OLFML1: variants seen among roughly 807,000 people sequenced by gnomAD.
The protein encoded by OLFML1 is olfactomedin-like protein 1.
A neutral mutation model predicts 37.3 loss-of-function variants in OLFML1; 33 were observed. That is an observed-to-expected ratio of 0.88 (90% CI 0.67 to 1.18). The LOEUF is 1.18. OLFML1 is among the 50% of genes most tolerant of loss of function. The pLI, the probability that OLFML1 is intolerant of heterozygous loss-of-function variation, is 0.00. For missense variants in OLFML1, 545 were observed against 483.7 expected (o/e 1.13, Z -1.19); for synonymous variants, 186 against 181.3 (o/e 1.03, Z -0.21).
intron 1 of OLFML1, 102 bp downstream of exon 1, chr11:7,486,106 G>A: frequency 3.4e-6 from 4 of 1,164,034 alleles, no homozygotes; most frequent in Non-Finnish European, 4.9e-6. Context: ...TTCCCAGATA[G>A]CAAATGACAC....
chr11:7,509,849 C>T lies in OLFML1; in HGVS notation c.870C>T (p.Ser290=), dbSNP rs1432765136. The T allele has an allele frequency of 6.2e-7, 1 of 1,614,088 alleles. No homozygotes were observed. The highest frequency in any genetic ancestry group is 1.3e-5 in the African/African-American group (1 of 74,932). ...WAIHSGPGTH[S]HLVLTKIEPG... Reference sequence around the variant, plus strand: ...TCCACTCTGGGCCAGGCACCCATAGCCATTTGGTTCTCACAAAGATTGAGC... The same window carrying T: ...TCCACTCTGGGCCAGGCACCCATAGTCATTTGGTTCTCACAAAGATTGAGC... Residue 290 remains serine, a synonymous_variant, in exon 3 of 3, where the codon AGC becomes AGT. Transcript: ENST00000329293.
chr11:7,501,330 G>T (rs973746739), intron 2 of OLFML1, among the ~76,000 whole-genome samples: 1 of 152,198 alleles, frequency 6.6e-6, no homozygotes, highest in South Asian at 2.1e-4. Flanking sequence ...AATGCATAAG[G>T]TTCCCTGTTG....
chr11:7,485,791 G>A lies in OLFML1; in HGVS notation c.-85G>A. 7.2e-7 allele frequency: 1 copy of A among 1,392,812 alleles called. No individual in the cohort carries two copies. The highest frequency in any genetic ancestry group is 1.0e-6 in the Non-Finnish European group (1 of 999,692). 86.3% of individuals were successfully genotyped at this position (1,392,812 alleles called of 1,614,324 possible). A position where few individuals can be genotyped will look rare whatever the true frequency, so the allele number is the denominator to read the frequency against. ...AGAGGATTTGCCACAGCAGCGGATA[G>A]AGCAGGAGAGCACCACCGGAGCCCT... On this transcript the variant is annotated 5_prime_UTR_variant, in exon 1 of 3. Transcript: ENST00000329293.
intron 1 of OLFML1, among the ~76,000 whole-genome samples, chr11:7,487,455 C>A (rs926979390): frequency 2.0e-5 from 3 of 152,198 alleles, no homozygotes; most frequent in African/African-American, 7.2e-5. Flanking sequence ...TTTTGATAAA[C>A]CATGCCAAAT....
At chr11:7,506,494 C>G (rs1020965475) in intron 2 of OLFML1, among the ~76,000 whole-genome samples, 7 of 152,116 alleles carry the variant, frequency 4.6e-5, no homozygotes, top group Non-Finnish European at 1.0e-4. Flanking sequence ...GGTGAAGGGA[C>G]TGGCCAGGGC....
intron 2 of OLFML1, among the ~76,000 whole-genome samples, chr11:7,495,509 A>G (rs1487866265): frequency 6.6e-6 from 1 of 152,188 alleles, no homozygotes; most frequent in African/African-American, 2.4e-5. Flanking sequence ...GAAGCCAACA[A>G]TTGAACACAG....
chr11:7,507,839 G>T (rs1051994023), intron 2 of OLFML1, among the ~76,000 whole-genome samples: 1 of 152,164 alleles, frequency 6.6e-6, no homozygotes, highest in South Asian at 2.1e-4. Context: ...GAGCCACCAC[G>T]CCCAGCCTAT....
Position 7,485,636 on chromosome 11 carries a change from G to T in OLFML1, c.-240G>T. 2.1e-6 allele frequency: 1 copy of T among 483,032 alleles called. No homozygotes were observed. Among genetic ancestry groups the T allele is most frequent in the Non-Finnish European group, 3.7e-6 (1 of 268,898 alleles). The allele number at this position is 483,032 out of a possible 1,614,324, so 29.9% of individuals were successfully genotyped here. A position where few individuals can be genotyped will look rare whatever the true frequency, so the allele number is the denominator to read the frequency against. On this transcript the variant is annotated 5_prime_UTR_variant, in exon 1 of 3. In the 5' UTR this introduces an upstream ATG that the reference lacks. Coordinates refer to ENST00000329293, the MANE Select transcript of OLFML1 (RefSeq NM_198474.4). Reference sequence around the variant, plus strand: ...TGGACCCAGGGAGCTCTCTGCCACAGGTCAGTCTACAAGGCCTCAGGGACC... The same window carrying T: ...TGGACCCAGGGAGCTCTCTGCCACATGTCAGTCTACAAGGCCTCAGGGACC...
At chr11:7,487,994 T>G in intron 1 of OLFML1, 133 bp from the exon 2 acceptor site, 1 of 637,312 alleles carries the variant, frequency 1.6e-6, no homozygotes, top group South Asian at 2.2e-5. Context: ...TTAGGAATTA[T>G]GGGAGATTTC....
intron 2 of OLFML1, among the ~76,000 whole-genome samples, chr11:7,499,524 A>G (rs934112897): frequency 9.2e-5 from 14 of 152,258 alleles, no homozygotes; most frequent in Non-Finnish European, 1.9e-4. Flanking sequence ...AAAACTATGT[A>G]GAGAGCATCC....
chr11:7,488,654 C>A, intron 2 of OLFML1: 1 of 292,852 alleles, frequency 3.4e-6, no homozygotes, highest in South Asian at 5.7e-5. Context: ...ATGGTGAAGG[C>A]TATAGTGCCA....
intron 2 of OLFML1, among the ~76,000 whole-genome samples, chr11:7,503,961 T>A (rs1848752533): frequency 6.6e-6 from 1 of 152,172 alleles, no homozygotes; most frequent in African/African-American, 2.4e-5. Flanking sequence ...AAGACAAAGC[T>A]TATACCCTCA....
intron 2 of OLFML1, among the ~76,000 whole-genome samples, chr11:7,491,408 AG>A (rs1488898232): frequency 6.6e-6 from 1 of 152,202 alleles, no homozygotes; most frequent in Admixed American, 6.5e-5. Context: ...CCTCCCATGG[AG>A]AAGGCCACAG....
chr11:7,500,201 TG>T (rs1848704194), intron 2 of OLFML1, among the ~76,000 whole-genome samples: 1 of 152,246 alleles, frequency 6.6e-6, no homozygotes, highest in South Asian at 2.1e-4. Flanking sequence ...CCATTTCTGC[TG>T]TATTTTAAAT....
rs1848822518 is a variant in OLFML1 at position 7,509,255 on chromosome 11, G to T, written c.419-143G>T. The T allele has an allele frequency of 6.4e-5, 39 of 612,054 alleles. No individual in the cohort carries two copies. In the South Asian group the frequency reaches 9.2e-4, roughly 14 times the overall value. 37.9% of individuals were successfully genotyped at this position (612,054 alleles called of 1,614,324 possible). On this transcript the variant is annotated intron_variant, in intron 2 of 2. Transcript: ENST00000329293. ...AAGGGAAACCCTTCTTCTAAGGACG[G>T]TCATGTCACAGTAGAACTGAAAATA...
In OLFML1 at chr11:7,510,084, T is replaced by C. The variant is rs770881898; in HGVS notation, c.1105T>C (p.Ser369Pro). 6.2e-7 allele frequency: 1 copy of C among 1,614,062 alleles called. No individual in the cohort carries two copies. The highest frequency in any genetic ancestry group is 8.5e-7 in the Non-Finnish European group (1 of 1,180,030). ...LFFPKRPRSH[S>P]MIHYNPRDKQ... ...CTTCCCCAAGAGACCAAGAAGTCACTCCATGATCCATTACAACCCCAGAGA... is the reference window on the plus strand; with the variant it reads ...CTTCCCCAAGAGACCAAGAAGTCACCCCATGATCCATTACAACCCCAGAGA... Residue 369 changes from serine to proline, a missense_variant, in exon 3 of 3, where the codon TCC (serine) becomes CCC (proline). Physicochemically the swap from Ser to Pro is moderately conservative, Grantham distance 74 (BLOSUM62 -1). Transcript: ENST00000329293.
At chr11:7,496,209 G>C (rs900649047) in intron 2 of OLFML1, among the ~76,000 whole-genome samples, 3 of 152,206 alleles carry the variant, frequency 2.0e-5, no homozygotes, top group African/African-American at 7.2e-5. Flanking sequence ...CCTCATGACG[G>C]AGGCAGATGT....
intron 1 of OLFML1, 85 bp from the exon 2 acceptor site, chr11:7,488,042 C>A: frequency 8.3e-6 from 8 of 959,472 alleles, no homozygotes; most frequent in Non-Finnish European, 1.2e-5. Flanking sequence ...ATTTTCTAAT[C>A]CTTTTCTATA....
chr11:7,485,726 C>A lies in OLFML1; in HGVS notation c.-150C>A. On this transcript the variant is annotated 5_prime_UTR_variant, in exon 1 of 3. Transcript: ENST00000329293. ...TGAGCTCACGTATCGGGTGGAATAA[C>A]AAGCGGACTTTGCTCTCTGCTGTGC... 1.3e-6 allele frequency: 1 copy of A among 777,278 alleles called. No individual in the cohort carries two copies. The highest frequency in any genetic ancestry group is 2.1e-6 in the Non-Finnish European group (1 of 472,108). The allele number at this position is 777,278 out of a possible 1,614,324, so 48.1% of individuals were successfully genotyped here. A position where few individuals can be genotyped will look rare whatever the true frequency, so the allele number is the denominator to read the frequency against.
Sources: gnomAD v4.1 joint callset for allele counts (sites outside exome capture counted in the v4.1 genomes callset) on GRCh38, gnomAD v4.1.1 for gene constraint, MANE v1.5 for transcripts, NCBI Gene and HGNC (gene_info 2026-07-23, HGNC 2026-07-21) for gene names.